GSG1L: variants seen among roughly 807,000 people sequenced by gnomAD.
The protein encoded by GSG1L is germ cell-specific gene 1-like protein.
A neutral mutation model predicts 42.1 loss-of-function variants in GSG1L; 24 were observed. That is an observed-to-expected ratio of 0.57 (90% CI 0.41 to 0.80). The LOEUF (loss-of-function observed/expected upper bound fraction) is 0.80. Among genes scored for constraint, GSG1L ranks in the 30% least tolerant of loss-of-function variants. The pLI is 0.00. For missense variants in GSG1L, 445 were observed against 472.2 expected, an observed-to-expected ratio of 0.94 and a Z score of 0.53; for synonymous variants, 215 against 203.5, an observed-to-expected ratio of 1.06 and a Z score of -0.48.
intron 1 of GSG1L, among the ~76,000 whole-genome samples, chr16:28,062,293 C>G (rs984080382): frequency 3.9e-5 from 6 of 152,122 alleles, no homozygotes; most frequent in Non-Finnish European, 8.8e-5. Flanking sequence ...AGGAGGGGGT[C>G]CAGGCAAAGG....
intron 1 of GSG1L, among the ~76,000 whole-genome samples, chr16:28,030,756 A>ATGGG: frequency 2.1e-5 from 2 of 95,892 alleles, no homozygotes; most frequent in African/African-American, 8.5e-5. Flanking sequence ...GTTAGGATGG[A>ATGGG]ATGGGATGGG....
chr16:27,868,152 C>T (rs186109948), intron 3 of GSG1L, among the ~76,000 whole-genome samples: 70 of 152,388 alleles, frequency 4.6e-4, no homozygotes, highest in African/African-American at 1.7e-3. Flanking sequence ...ACTCCCCCAG[C>T]CCAGGCTTCT....
intron 2 of GSG1L, among the ~76,000 whole-genome samples, chr16:27,941,205 A>C (rs529181248): frequency 6.6e-6 from 1 of 152,274 alleles, no homozygotes; most frequent in African/African-American, 2.4e-5. Flanking sequence ...CAAGACAGTG[A>C]AAAGGCAACC....
chr16:27,876,926 T>C (rs1457948371), intron 3 of GSG1L, among the ~76,000 whole-genome samples: 1 of 152,254 alleles, frequency 6.6e-6, no homozygotes, highest in Non-Finnish European at 1.5e-5. Flanking sequence ...AGGCTGATTA[T>C]TTCCCGGAGA....
chr16:27,971,695 A>C (rs539286041), intron 1 of GSG1L, among the ~76,000 whole-genome samples: 216 of 152,282 alleles, frequency 1.4e-3, no homozygotes, highest in Admixed American at 2.9e-3. Context: ...TAGAAGTGGT[A>C]AGAGTGGACA....
Position 27,845,908 on chromosome 16 carries a change from CT to C in GSG1L, c.551-848del, listed in dbSNP as rs201845873. ...ACACCTTTTTAAAACAATTAATAAA[CT>C]TTTTTTTTTTTGAGAAAGAGTCTCG... On this transcript the variant is annotated intron_variant, in intron 3 of 6. Coordinates refer to ENST00000447459, the MANE Select transcript of GSG1L (RefSeq NM_001109763.2). Among the ~76,000 whole-genome samples, 257 of 146,928 alleles carry C rather than the reference CT, an allele frequency of 1.7e-3. 2 individuals carry two copies. The highest frequency in any genetic ancestry group is 4.9e-3 in the African/African-American group (198 of 40,338).
At chr16:27,925,135 A>T (rs370858246) in intron 2 of GSG1L, among the ~76,000 whole-genome samples, 1 of 152,250 alleles carries the variant, frequency 6.6e-6, no homozygotes, top group African/African-American at 2.4e-5. Flanking sequence ...GACAGCTCAC[A>T]GTAATTGTCT....
At chr16:27,962,245 C>T (rs1383214389) in intron 2 of GSG1L, among the ~76,000 whole-genome samples, 1 of 152,198 alleles carries the variant, frequency 6.6e-6, no homozygotes, top group African/African-American at 2.4e-5. Context: ...GGATAAAGAC[C>T]ACATTTCCCA....
At chr16:27,950,883 A>G (rs77133678) in intron 2 of GSG1L, among the ~76,000 whole-genome samples, 26 of 152,208 alleles carry the variant, frequency 1.7e-4, no homozygotes, top group Non-Finnish European at 3.4e-4. Flanking sequence ...TGCTTCCAAC[A>G]TGGCGCTCCT....
intron 2 of GSG1L, among the ~76,000 whole-genome samples, chr16:27,921,428 T>C (rs1391435962): frequency 2.0e-5 from 3 of 152,230 alleles, no homozygotes; most frequent in African/African-American, 7.2e-5. Context: ...TTCTTACTAC[T>C]ATTTAAACTC....
chr16:27,823,895 C>T (rs536029563), intron 5 of GSG1L: 1 of 702,852 alleles, frequency 1.4e-6, no homozygotes, highest in African/African-American at 1.7e-5. Context: ...CGCCCTCCCT[C>T]TCTGTGCCTC....
At chr16:27,855,171 C>CCCCTGGTGGATGCCCT (rs1276786300) in intron 3 of GSG1L, among the ~76,000 whole-genome samples, 2 of 152,158 alleles carry the variant, frequency 1.3e-5, no homozygotes, top group Middle Eastern at 3.2e-3. Context: ...AGGGATCCTC[C>CCCCTGGTGGATGCCCT]CCCTGGTGGA....
intron 3 of GSG1L, among the ~76,000 whole-genome samples, chr16:27,846,931 T>TACCCA (rs2083450862): frequency 1.5e-5 from 2 of 130,660 alleles, no homozygotes; most frequent in South Asian, 4.9e-4. Context: ...CACCCCAGCC[T>TACCCA]GGGTGACAGA....
chr16:27,872,318 C>T (rs539518070), intron 3 of GSG1L, among the ~76,000 whole-genome samples: 139 of 152,252 alleles, frequency 9.1e-4, no homozygotes, highest in Non-Finnish European at 1.7e-3. Context: ...CAGAAGGGGC[C>T]GTATGGACAT....
chr16:27,951,868 T>C (rs913588279), intron 2 of GSG1L, among the ~76,000 whole-genome samples: 1 of 152,138 alleles, frequency 6.6e-6, no homozygotes, highest in African/African-American at 2.4e-5. Context: ...CAAGAGACTA[T>C]TATAGGAACT....
intron 2 of GSG1L, among the ~76,000 whole-genome samples, chr16:27,901,719 C>T (rs113318764): frequency 3.3e-5 from 5 of 152,216 alleles, no homozygotes; most frequent in Admixed American, 6.5e-5. Context: ...TAAATACCAT[C>T]GGGTCTCTCT....
chr16:28,054,240 C>T (rs2086253944), intron 1 of GSG1L, among the ~76,000 whole-genome samples: 1 of 152,204 alleles, frequency 6.6e-6, no homozygotes, highest in Non-Finnish European at 1.5e-5. Context: ...CTTCCAGAAG[C>T]ACCGACCCTC....
chr16:27,826,901 G>A (rs1254779851), intron 5 of GSG1L, among the ~76,000 whole-genome samples: 1 of 152,178 alleles, frequency 6.6e-6, no homozygotes, highest in Non-Finnish European at 1.5e-5. Flanking sequence ...CACCTGCATG[G>A]GCTCAAGCAG....
chr16:27,962,514 A>G (rs1478227817), intron 2 of GSG1L, among the ~76,000 whole-genome samples: 2 of 152,184 alleles, frequency 1.3e-5, no homozygotes, highest in Non-Finnish European at 2.9e-5. Flanking sequence ...CTACTTTCAA[A>G]CTTTTATAAA....
Sources: gnomAD v4.1 joint callset for allele counts (sites outside exome capture counted in the v4.1 genomes callset) on GRCh38, gnomAD v4.1.1 for gene constraint, MANE v1.5 for transcripts, NCBI Gene and HGNC (gene_info 2026-07-23, HGNC 2026-07-21) for gene names.